BCL2L2: variants seen among roughly 807,000 people sequenced by gnomAD.
The protein encoded by BCL2L2 is BCL2 like 2.
A neutral mutation model predicts 14.6 loss-of-function variants in BCL2L2; 6 were observed. The ratio of observed to expected loss-of-function variants is 0.41; its 90% CI spans 0.22 to 0.81. The LOEUF (loss-of-function observed/expected upper bound fraction) is 0.81. BCL2L2 is among the 30% of genes least tolerant of loss of function. The pLI, the probability that BCL2L2 is intolerant of heterozygous loss-of-function variation, is 0.32. For missense variants in BCL2L2, 191 were observed against 260.5 expected (o/e 0.73, Z 1.84); for synonymous variants, 90 against 108.5 (o/e 0.83, Z 1.06).
rs1004193768 is a variant in BCL2L2 at position 23,311,564 on chromosome 14, T to A, written c.*2599T>A. The A allele has an allele frequency of 2.5e-5, 25 of 986,098 alleles. No homozygotes were observed. Among genetic ancestry groups the A allele is most frequent in the Non-Finnish European group, 2.9e-5 (24 of 830,508 alleles). 61.1% of individuals were successfully genotyped at this position (986,098 alleles called of 1,614,324 possible). A position where few individuals can be genotyped will look rare whatever the true frequency, so the allele number is the denominator to read the frequency against. ...GCACACAAACACTATTTTACTTTTTTAAAATCATAAAACGGCAGAACAGAT... is the reference window on the plus strand; with the variant it reads ...GCACACAAACACTATTTTACTTTTTAAAAATCATAAAACGGCAGAACAGAT... On this transcript the variant is annotated 3_prime_UTR_variant, in exon 4 of 4. Coordinates refer to ENST00000250405, the MANE Select transcript of BCL2L2 (RefSeq NM_004050.5).
At position 23,307,783 on chromosome 14, in the gene BCL2L2, T is replaced by A; in HGVS notation, c.16T>A (p.Ser6Thr). 1 of 1,526,428 alleles carries A rather than the reference T, an allele frequency of 6.6e-7. No homozygotes were observed. The highest frequency in any genetic ancestry group is 8.8e-7 in the Non-Finnish European group (1 of 1,138,652). 94.6% of individuals were successfully genotyped at this position (1,526,428 alleles called of 1,614,324 possible). A position where few individuals can be genotyped will look rare whatever the true frequency, so the allele number is the denominator to read the frequency against. ...AGCCGCCCGGATGGCGACCCCAGCC[T>A]CGGCCCCAGACACACGGGCTCTGGT... The part of the protein sequence containing the change: MATPA[S>T]APDTRALVAD... The change falls in exon 3 of 4, where the codon TCG becomes ACG. Residue 6 changes from serine to threonine, a missense_variant. Transcript: ENST00000250405.
Position 23,309,398 on chromosome 14 carries a change from G to C in BCL2L2, c.*433G>C. The C allele has an allele frequency of 2.0e-6, 2 of 996,062 alleles. No individual in the cohort carries two copies. The highest frequency in any genetic ancestry group is 2.4e-6 in the Non-Finnish European group (2 of 837,272). The allele number at this position is 996,062 out of a possible 1,614,324, so 61.7% of individuals were successfully genotyped here. ...TAGGGGTTCTCAGGTGATAGGGAGA[G>C]GTGGCTGTTAACAGTGGGCTGCTTG... On this transcript the variant is annotated 3_prime_UTR_variant, in exon 4 of 4. Coordinates refer to ENST00000250405, the MANE Select transcript of BCL2L2 (RefSeq NM_004050.5).
rs1319905924 is a variant in BCL2L2 at position 23,310,696 on chromosome 14, T to C, written c.*1731T>C. Reference sequence around the variant, plus strand: ...TTGGGGTGGGGGGTCTCTGACTTGCTCAGGACAAACTAGGCCAGTGGTTTT... The same window carrying C: ...TTGGGGTGGGGGGTCTCTGACTTGCCCAGGACAAACTAGGCCAGTGGTTTT... On this transcript the variant is annotated 3_prime_UTR_variant, in exon 4 of 4. Transcript: ENST00000250405. 1.6e-5 allele frequency: 19 copies of C among 1,166,462 alleles called. No individual in the cohort carries two copies. Among genetic ancestry groups the C allele is most frequent in the Non-Finnish European group, 2.0e-5 (19 of 933,028 alleles). The allele number at this position is 1,166,462 out of a possible 1,614,324, so 72.3% of individuals were successfully genotyped here. A position where few individuals can be genotyped will look rare whatever the true frequency, so the allele number is the denominator to read the frequency against.
In BCL2L2 at chr14:23,310,690, A is replaced by C. The variant is rs995949896; in HGVS notation, c.*1725A>C. ...AAGCAGTTGGGGTGGGGGGTCTCTG[A>C]CTTGCTCAGGACAAACTAGGCCAGT... On this transcript the variant is annotated 3_prime_UTR_variant, in exon 4 of 4. Transcript: ENST00000250405. The C allele has an allele frequency of 3.5e-6, 4 of 1,153,162 alleles. No homozygotes were observed. Among genetic ancestry groups the C allele is most frequent in the Admixed American group, 8.7e-5 (2 of 22,928 alleles). 71.4% of individuals were successfully genotyped at this position (1,153,162 alleles called of 1,614,324 possible). A position where few individuals can be genotyped will look rare whatever the true frequency, so the allele number is the denominator to read the frequency against.
chr14:23,309,157 G>A lies in BCL2L2; in HGVS notation c.*192G>A, dbSNP rs1887450709. On this transcript the variant is annotated 3_prime_UTR_variant, in exon 4 of 4. Transcript: ENST00000250405. ...GGAAGAGTGAGCAGGACACAGAGGGGAGGGGAATGTTTTGGCAAGTTTAGG... is the reference window on the plus strand; with the variant it reads ...GGAAGAGTGAGCAGGACACAGAGGGAAGGGGAATGTTTTGGCAAGTTTAGG... 3.3e-6 allele frequency: 4 copies of A among 1,222,686 alleles called. No homozygotes were observed. Among genetic ancestry groups the A allele is most frequent in the Non-Finnish European group, 4.1e-6 (4 of 977,848 alleles). The allele number at this position is 1,222,686 out of a possible 1,614,324, so 75.7% of individuals were successfully genotyped here. A position where few individuals can be genotyped will look rare whatever the true frequency, so the allele number is the denominator to read the frequency against.
Position 23,308,999 on chromosome 14 carries a change from G to A in BCL2L2, c.*34G>A. On this transcript the variant is annotated 3_prime_UTR_variant, in exon 4 of 4. Transcript: ENST00000250405. This position sits in a 1 kb window ranked among gnomAD's most constrained non-coding sequence, Gnocchi z 5.4. ...GGCCAGGTGGGGCTAGGTGTGGCTG[G>A]GGGCCAGGAGAGCAGGAACAGAACA... 7.6e-7 allele frequency: 1 copy of A among 1,319,832 alleles called. No homozygotes were observed. Among genetic ancestry groups the A allele is most frequent in the East Asian group, 2.8e-5 (1 of 35,744 alleles). The allele number at this position is 1,319,832 out of a possible 1,614,324, so 81.8% of individuals were successfully genotyped here. A position where few individuals can be genotyped will look rare whatever the true frequency, so the allele number is the denominator to read the frequency against.
Position 23,308,275 on chromosome 14 carries a change from T to A in BCL2L2, c.432+76T>A. 6.8e-7 allele frequency: 1 copy of A among 1,479,052 alleles called. No individual in the cohort carries two copies. Among genetic ancestry groups the A allele is most frequent in the Non-Finnish European group, 8.9e-7 (1 of 1,120,216 alleles). 91.6% of individuals were successfully genotyped at this position (1,479,052 alleles called of 1,614,324 possible). ...TCCAGGGGGAAGATGGGGGCTCTGA[T>A]TGGAGGCTGAGGCAGCTATGTTGGG... On this transcript the variant is annotated intron_variant, in intron 3 of 3. Transcript: ENST00000250405. This position sits in a 1 kb window ranked among gnomAD's most constrained non-coding sequence, Gnocchi z 5.4.
chr14:23,308,730 A>C lies in BCL2L2; in HGVS notation c.433-86A>C. ...AGTGCTCGCAGTGGATGGAACTGGAACTCTTCCTCTCCTCTTCTCTCCACT... is the reference window on the plus strand; with the variant it reads ...AGTGCTCGCAGTGGATGGAACTGGACCTCTTCCTCTCCTCTTCTCTCCACT... On this transcript the variant is annotated intron_variant, in intron 3 of 3. Coordinates refer to ENST00000250405, the MANE Select transcript of BCL2L2 (RefSeq NM_004050.5). The surrounding 1 kb of genome is among the most constrained non-coding windows in gnomAD (Gnocchi z 5.4). 8.9e-7 allele frequency: 1 copy of C among 1,118,294 alleles called. No individual in the cohort carries two copies. The highest frequency in any genetic ancestry group is 1.2e-6 in the Non-Finnish European group (1 of 845,116). The allele number at this position is 1,118,294 out of a possible 1,614,324, so 69.3% of individuals were successfully genotyped here.
rs137944195 is a variant in BCL2L2, at chr14:23,307,895, A to G, written c.128A>G (p.His43Arg). The change falls in exon 3 of 4, where the codon CAC becomes CGC. Residue 43 changes from histidine (H) to arginine (R), a missense_variant. Transcript: ENST00000250405. The stretch of plus-strand genomic sequence containing the variant: ...GAGGGCCCAGCAGCTGACCCGCTGC[A>G]CCAAGCCATGCGGGCAGCTGGAGAT... ...PGEGPAADPL[H>R]QAMRAAGDEF... The G allele has an allele frequency of 2.0e-4, 322 of 1,613,388 alleles. No homozygotes were observed. The highest frequency in any genetic ancestry group is 1.2e-3 in the Middle Eastern group (7 of 6,060).
Position 23,310,432 on chromosome 14 carries a change from T to A in BCL2L2, c.*1467T>A, listed in dbSNP as rs1887537728. ...GGTCCTGAGCACTGATCACCTTAGC[T>A]AGACCATGGTTGACTCTTCTTGGAG... On this transcript the variant is annotated 3_prime_UTR_variant, in exon 4 of 4. Coordinates refer to ENST00000250405, the MANE Select transcript of BCL2L2 (RefSeq NM_004050.5). The A allele has an allele frequency of 9.9e-7, 1 of 1,012,630 alleles. No individual in the cohort carries two copies. The highest frequency in any genetic ancestry group is 1.2e-6 in the Non-Finnish European group (1 of 847,154). 62.7% of individuals were successfully genotyped at this position (1,012,630 alleles called of 1,614,324 possible). A position where few individuals can be genotyped will look rare whatever the true frequency, so the allele number is the denominator to read the frequency against.
Position 23,309,578 on chromosome 14 carries a change from C to T in BCL2L2, c.*613C>T, listed in dbSNP as rs1887481148. On this transcript the variant is annotated 3_prime_UTR_variant, in exon 4 of 4. Transcript: ENST00000250405. ...CCCTCCTCCCAACCCCTCCTTTCCC[C>T]TGCCCTTGTCCTGATGCCTCAAGGC... 9.1e-6 allele frequency: 9 copies of T among 985,640 alleles called. No homozygotes were observed. Among genetic ancestry groups the T allele is most frequent in the Non-Finnish European group, 1.1e-5 (9 of 830,008 alleles). 61.1% of individuals were successfully genotyped at this position (985,640 alleles called of 1,614,324 possible).
chr14:23,311,207 C>G lies in BCL2L2; in HGVS notation c.*2242C>G, dbSNP rs1025097969. ...TGGGACCACAGTGGGCAATTTTGACCTGTCCTGCCCTTCTTAGCTTGAAGG... is the reference window on the plus strand; with the variant it reads ...TGGGACCACAGTGGGCAATTTTGACGTGTCCTGCCCTTCTTAGCTTGAAGG... On this transcript the variant is annotated 3_prime_UTR_variant, in exon 4 of 4. Transcript: ENST00000250405. 9 of 1,247,332 alleles carry G rather than the reference C, an allele frequency of 7.2e-6. No homozygotes were observed. In the African/African-American group the frequency reaches 1.4e-4, roughly 20 times the overall value. The allele number at this position is 1,247,332 out of a possible 1,614,324, so 77.3% of individuals were successfully genotyped here.
chr14:23,309,641 T>C lies in BCL2L2; in HGVS notation c.*676T>C. The stretch of plus-strand genomic sequence containing the variant: ...ATTGTATCCAGACCGAGGGCTCTGC[T>C]GCTTCTTTCCAGAAAGTGATTGGCA... On this transcript the variant is annotated 3_prime_UTR_variant, in exon 4 of 4. Transcript: ENST00000250405. The C allele has an allele frequency of 1.0e-6, 1 of 985,626 alleles. No individual in the cohort carries two copies. The highest frequency in any genetic ancestry group is 1.2e-6 in the Non-Finnish European group (1 of 830,052). The allele number at this position is 985,626 out of a possible 1,614,324, so 61.1% of individuals were successfully genotyped here. A position where few individuals can be genotyped will look rare whatever the true frequency, so the allele number is the denominator to read the frequency against.
At position 23,310,935 on chromosome 14, in the gene BCL2L2, C is replaced by T. The variant is rs1176311782; in HGVS notation, c.*1970C>T. ...AAAGTTGGAAAACCACTGACTAGAC[C>T]ATCGGCTCCAAATTGGAGTCTGTGC... On this transcript the variant is annotated 3_prime_UTR_variant, in exon 4 of 4. Coordinates refer to ENST00000250405, the MANE Select transcript of BCL2L2 (RefSeq NM_004050.5). The T allele has an allele frequency of 7.8e-7, 1 of 1,289,560 alleles. No homozygotes were observed. The highest frequency in any genetic ancestry group is 5.5e-5 in the East Asian group (1 of 18,026). The allele number at this position is 1,289,560 out of a possible 1,614,324, so 79.9% of individuals were successfully genotyped here. A position where few individuals can be genotyped will look rare whatever the true frequency, so the allele number is the denominator to read the frequency against.
chr14:23,307,335 C>T (rs1887289468), intron 2 of BCL2L2, 56 bp downstream of exon 2: 1 of 155,024 alleles, frequency 6.5e-6, no homozygotes, highest in African/African-American at 2.4e-5. Flanking sequence ...TCCCACCTTT[C>T]TCTTCAGCCC....
Position 23,311,643 on chromosome 14 carries a change from AT to A in BCL2L2, c.*2683del, listed in dbSNP as rs1798982474. On this transcript the variant is annotated 3_prime_UTR_variant, in exon 4 of 4. Coordinates refer to ENST00000250405, the MANE Select transcript of BCL2L2 (RefSeq NM_004050.5). ...TATAAATATAAATCTATATTCCTGT[AT>A]TTTTATTTAATAATTTATAAATACC... 35 of 927,934 alleles carry A rather than the reference AT, an allele frequency of 3.8e-5. No individual in the cohort carries two copies. Among genetic ancestry groups the A allele is most frequent in the Non-Finnish European group, 4.1e-5 (32 of 777,738 alleles). The allele number at this position is 927,934 out of a possible 1,614,324, so 57.5% of individuals were successfully genotyped here.
intron 2 of BCL2L2, 44 bp from the exon 3 acceptor site, chr14:23,307,716 C>G: frequency 1.3e-6 from 2 of 1,511,696 alleles, no homozygotes; most frequent in South Asian, 1.3e-5. Context: ...TTCTGATTCT[C>G]TCTTCATATA....
rs1156596218 is a variant in BCL2L2, at chr14:23,311,482, C to G, written c.*2517C>G. On this transcript the variant is annotated 3_prime_UTR_variant, in exon 4 of 4. Coordinates refer to ENST00000250405, the MANE Select transcript of BCL2L2 (RefSeq NM_004050.5). ...GACTTTGTTTAGGCCAAGGAAGGAGCGGAAGTAGGGCAACTCGGTCCTGCG... is the reference window on the plus strand; with the variant it reads ...GACTTTGTTTAGGCCAAGGAAGGAGGGGAAGTAGGGCAACTCGGTCCTGCG... 1 of 1,012,828 alleles carries G rather than the reference C, an allele frequency of 9.9e-7. No individual in the cohort carries two copies. Among genetic ancestry groups the G allele is most frequent in the South Asian group, 4.0e-5 (1 of 25,170 alleles). The allele number at this position is 1,012,828 out of a possible 1,614,324, so 62.7% of individuals were successfully genotyped here. A position where few individuals can be genotyped will look rare whatever the true frequency, so the allele number is the denominator to read the frequency against.
Position 23,309,597 on chromosome 14 carries a change from T to G in BCL2L2, c.*632T>G. The G allele has an allele frequency of 1.0e-6, 1 of 985,554 alleles. No homozygotes were observed. The highest frequency in any genetic ancestry group is 1.2e-6 in the Non-Finnish European group (1 of 829,988). 61.1% of individuals were successfully genotyped at this position (985,554 alleles called of 1,614,324 possible). A position where few individuals can be genotyped will look rare whatever the true frequency, so the allele number is the denominator to read the frequency against. On this transcript the variant is annotated 3_prime_UTR_variant, in exon 4 of 4. Coordinates refer to ENST00000250405, the MANE Select transcript of BCL2L2 (RefSeq NM_004050.5). ...TTTCCCCTGCCCTTGTCCTGATGCC[T>G]CAAGGCTTAGAGAGAAACATTGTAT...
Sources: allele counts gnomAD v4.1 joint callset, GRCh38; gene constraint gnomAD v4.1.1; non-coding constraint Gnocchi (gnomAD v3.1); transcripts MANE v1.5; gene names NCBI Gene and HGNC (gene_info 2026-07-23, HGNC 2026-07-21).